The following DDX49 variants were observed in gnomAD, a reference collection of about 807,000 sequenced individuals.
DDX49 encodes probable ATP-dependent RNA helicase DDX49.
DDX49 carries 50 observed loss-of-function variants against 56.3 expected under a neutral mutation model. The ratio of observed to expected loss-of-function variants is 0.89; its 90% CI spans 0.71 to 1.12. DDX49 has a LOEUF of 1.12. Ranked by LOEUF, DDX49 falls within the 50% of genes most tolerant of loss-of-function variation. DDX49 has a pLI of 0.00. For missense variants in DDX49, 614 were observed against 650.5 expected (o/e 0.94, Z 0.61); for synonymous variants, 269 against 270.6 (o/e 0.99, Z 0.06).
rs373521203 is a variant in DDX49 at position 18,922,408 on chromosome 19, C to A, written c.530C>A (p.Pro177Gln). ...CTGGAGGCCATCCTGGCGGCTGTGCCGGCCCGCAGGCAGACACTGCTGTTC... is the reference window on the plus strand; with the variant it reads ...CTGGAGGCCATCCTGGCGGCTGTGCAGGCCCGCAGGCAGACACTGCTGTTC... The part of the protein sequence containing the change: ...VDLEAILAAV[P>Q]ARRQTLLFSA... Residue 177 changes from proline to glutamine, a missense_variant, in exon 5 of 13, where the codon CCG (proline) becomes CAG (glutamine). Coordinates refer to ENST00000247003, the MANE Select transcript of DDX49 (RefSeq NM_019070.5). 6.2e-7 allele frequency: 1 copy of A among 1,610,026 alleles called. No homozygotes were observed. The highest frequency in any genetic ancestry group is 8.5e-7 in the Non-Finnish European group (1 of 1,179,336).
chr19:18,928,091 C>T (rs369209053), intron 12 of DDX49, 37 bp from the exon 13 acceptor site: 23 of 1,612,378 alleles, frequency 1.4e-5, no homozygotes, highest in Middle Eastern at 1.6e-4. Context: ...TGGCGGGGGC[C>T]GCCAGCTCAG....
rs761720601 is a variant in DDX49 at position 18,924,250 on chromosome 19, G to A, written c.794G>A (p.Cys265Tyr). The A allele has an allele frequency of 6.2e-7, 1 of 1,614,010 alleles. No individual in the cohort carries two copies. Among genetic ancestry groups the A allele is most frequent in the Non-Finnish European group, 8.5e-7 (1 of 1,180,012 alleles). Residue 265 changes from cysteine to tyrosine, a missense_variant, in exon 7 of 13, where the codon TGC becomes TAC. Coordinates refer to ENST00000247003, the MANE Select transcript of DDX49 (RefSeq NM_019070.5). Reference sequence around the variant, plus strand: ...CCCGCCAGGACCTGCCAGATTCTGTGCATGATGCTGCGCAAATTCAGCTTC... The same window carrying A: ...CCCGCCAGGACCTGCCAGATTCTGTACATGATGCTGCGCAAATTCAGCTTC... ...TNTCKTCQIL[C>Y]MMLRKFSFPT...
At chr19:18,927,370 G>A (rs2145108881) in intron 10 of DDX49, among the ~76,000 whole-genome samples, 1 of 151,936 alleles carries the variant, frequency 6.6e-6, no homozygotes, top group African/African-American at 2.4e-5. Context: ...GTAAGACCCT[G>A]TCTTCAAAAA....
At chr19:18,925,701 C>A (rs951314273) in intron 9 of DDX49, among the ~76,000 whole-genome samples, 25 of 152,218 alleles carry the variant, frequency 1.6e-4, no homozygotes, top group Middle Eastern at 3.4e-3. Flanking sequence ...CAGCTCCGGC[C>A]CCCACTACTT....
chr19:18,921,153 AAAG>A (rs2056913771), intron 2 of DDX49, among the ~76,000 whole-genome samples: 2 of 151,802 alleles, frequency 1.3e-5, no homozygotes, highest in South Asian at 2.1e-4. Flanking sequence ...AAAAAAAAAA[AAAG>A]AAAGAAAGAA....
At chr19:18,922,069 C>T (rs997831910) in intron 4 of DDX49, 105 bp downstream of exon 4, 14 of 1,443,634 alleles carry the variant, frequency 9.7e-6, no homozygotes, top group East Asian at 7.0e-5. Context: ...AACGTATGTC[C>T]GTTAGACTGT....
At position 18,919,718 on chromosome 19, in the gene DDX49, G is replaced by GGGCCCCTACAAGC. The variant is rs2056896870; in HGVS notation, c.-19_-7dup. The GGGCCCCTACAAGC allele has an allele frequency of 5.7e-6, 9 of 1,590,352 alleles. No individual in the cohort carries two copies. Among genetic ancestry groups the GGGCCCCTACAAGC allele is most frequent in the East Asian group, 2.3e-5 (1 of 44,290 alleles). ...CGCGGATCACACGGGCCCCTACAAG[G>GGGCCCCTACAAGC]GGCCCCTACAAGCGGCCACAAGGAT... On this transcript the variant is annotated 5_prime_UTR_variant, in exon 1 of 13. Transcript: ENST00000247003.
At position 18,919,755 on chromosome 19, in the gene DDX49, C is replaced by G. The variant is rs770858758; in HGVS notation, c.14C>G (p.Ala5Gly). The part of the protein sequence containing the change: MAGF[A>G]ELGLSSWLVE... ...GCGGCCACAAGGATGGCAGGCTTCG[C>G]GGAGCTCGGGCTGTCATCGTGGCTC... The change falls in exon 1 of 13, where the codon GCG becomes GGG. Residue 5 changes from alanine to glycine, a missense_variant. Ala to Gly is a moderately conservative substitution (Grantham distance 60). Coordinates refer to ENST00000247003, the MANE Select transcript of DDX49 (RefSeq NM_019070.5). 1.9e-6 allele frequency: 3 copies of G among 1,610,222 alleles called. No individual in the cohort carries two copies. The highest frequency in any genetic ancestry group is 2.5e-6 in the Non-Finnish European group (3 of 1,177,212).
At chr19:18,920,780 C>A in intron 2 of DDX49, 77 bp downstream of exon 2, 1 of 1,444,400 alleles carries the variant, frequency 6.9e-7, no homozygotes, top group Non-Finnish European at 9.4e-7. Flanking sequence ...CCTCTCTGAG[C>A]GCCCTTTTCC....
intron 2 of DDX49, 77 bp from the exon 3 acceptor site, chr19:18,921,586 C>A: frequency 7.1e-7 from 1 of 1,403,910 alleles, no homozygotes; most frequent in Non-Finnish European, 1.0e-6. Flanking sequence ...CAGGGAGGAA[C>A]CCTGGGGATG....
Position 18,928,250 on chromosome 19 carries a change from G to C in DDX49, c.1386G>C (p.Lys462Asn). 1 of 1,588,616 alleles carries C rather than the reference G, an allele frequency of 6.3e-7. No homozygotes were observed. Among genetic ancestry groups the C allele is most frequent in the Non-Finnish European group, 8.6e-7 (1 of 1,167,720 alleles). ...KRQKAGRAGH[K>N]GRPPRTPSGS... ...AGAAGGCTGGCAGGGCTGGCCACAA[G>C]GGGCGTCCACCCAGGACACCGTCTG... Residue 462 changes from lysine to asparagine, a missense_variant, in exon 13 of 13, where the codon AAG becomes AAC. Transcript: ENST00000247003.
rs947274999 is a variant in DDX49 at position 18,927,591 on chromosome 19, G to A, written c.1103-175G>A. On this transcript the variant is annotated intron_variant, in intron 10 of 12. Transcript: ENST00000247003. The stretch of plus-strand genomic sequence containing the variant: ...TGACCGTGAGACTCTGAAAGACAGC[G>A]GTCCATACCTTCCTTACCTCAGAAA... 1.1e-4 allele frequency among the ~76,000 whole-genome samples: 17 copies of A among 152,042 alleles called. 1 individual carries two copies. In the East Asian group the frequency reaches 1.7e-3, roughly 16 times the overall value.
Position 18,920,594 on chromosome 19 carries a change from G to C in DDX49, c.130G>C (p.Gly44Arg), listed in dbSNP as rs748093851. 1 of 1,604,062 alleles carries C rather than the reference G, an allele frequency of 6.2e-7. No individual in the cohort carries two copies. Among genetic ancestry groups the C allele is most frequent in the East Asian group, 2.2e-5 (1 of 44,538 alleles). ...PAILEGRDCL[G>R]CAKTGSGKTA... is the part of the protein sequence containing the mutation. ...CCCCAACCCAGGTCGAGACTGCTTG[G>C]GCTGTGCTAAGACAGGCAGTGGGAA... Residue 44 changes from glycine to arginine, a missense_variant, in exon 2 of 13, where the codon GGC becomes CGC. Coordinates refer to ENST00000247003, the MANE Select transcript of DDX49 (RefSeq NM_019070.5).
rs1038140878 is a variant in DDX49 at position 18,928,545 on chromosome 19, G to A, written c.*229G>A. On this transcript the variant is annotated 3_prime_UTR_variant, in exon 13 of 13. Coordinates refer to ENST00000247003, the MANE Select transcript of DDX49 (RefSeq NM_019070.5). ...CTGCAGGGGAAGAAAGAACATGACC[G>A]GGAGGTTGTGACCCCAACCCAAGGT... is the stretch of plus-strand genomic sequence containing the variant. The A allele has an allele frequency of 1.7e-5, 9 of 538,052 alleles. No individual in the cohort carries two copies. Among genetic ancestry groups the A allele is most frequent in the Non-Finnish European group, 2.6e-5 (8 of 309,896 alleles). 33.3% of individuals were successfully genotyped at this position (538,052 alleles called of 1,614,324 possible). A position where few individuals can be genotyped will look rare whatever the true frequency, so the allele number is the denominator to read the frequency against.
At position 18,927,789 on chromosome 19, in the gene DDX49, G is replaced by A. The variant is rs73923185; in HGVS notation, c.1126G>A (p.Val376Met). ...AGAGAAGAAGCTGGAGGAGTTCTCC[G>A]TGGAAGAGGCCGAGGTGCTACAGAT... Reference protein sequence around the residue: ...QIKKKLEEFSVEEAEVLQILT... With the variant: ...QIKKKLEEFSMEEAEVLQILT... Residue 376 changes from valine to methionine, a missense_variant, in exon 11 of 13, where the codon GTG (valine) becomes ATG (methionine). Val to Met is a conservative substitution (Grantham distance 21, BLOSUM62 1). Coordinates refer to ENST00000247003, the MANE Select transcript of DDX49 (RefSeq NM_019070.5). 2.1e-3 allele frequency: 3,431 copies of A among 1,613,850 alleles called. 68 individuals are homozygous for A. In the African/African-American group the frequency reaches 0.041, roughly 19 times the overall value.
At position 18,926,304 on chromosome 19, in the gene DDX49, G is replaced by A. The variant is rs2056960050; in HGVS notation, c.1029G>A (p.Gly343=). ...CAGATAACCGGCACATCCCCACAGGGCGGCAGGGTCAGGCCATCACGCTGG... is the reference window on the plus strand; with the variant it reads ...CAGATAACCGGCACATCCCCACAGGACGGCAGGGTCAGGCCATCACGCTGG... ...IHRVGRTARA[G]RQGQAITLVT... is the part of the protein sequence containing the mutation. Residue 343 remains glycine (G), a splice_region_variant and synonymous_variant, in exon 10 of 13, where the codon GGG becomes GGA. Transcript: ENST00000247003. 6.4e-7 allele frequency: 1 copy of A among 1,572,354 alleles called. No homozygotes were observed. Among genetic ancestry groups the A allele is most frequent in the African/African-American group, 1.3e-5 (1 of 74,514 alleles).
At chr19:18,920,843 A>G in intron 2 of DDX49, 140 bp downstream of exon 2, 4 of 860,568 alleles carry the variant, frequency 4.6e-6, no homozygotes, top group Non-Finnish European at 6.8e-6. Flanking sequence ...GGGGTCCTGC[A>G]GAATTAAACA....
At chr19:18,922,909 G>A (rs749089713) in intron 6 of DDX49, among the ~76,000 whole-genome samples, 165 bp downstream of exon 6, 1 of 152,208 alleles carries the variant, frequency 6.6e-6, no homozygotes, top group African/African-American at 2.4e-5. Context: ...ATCTGAAGGT[G>A]CAGCCGGCCT....
In DDX49 at chr19:18,921,733, A is replaced by G. The variant is rs747651605; in HGVS notation, c.310A>G (p.Ile104Val). 6.2e-7 allele frequency: 1 copy of G among 1,614,072 alleles called. No individual in the cohort carries two copies. The highest frequency in any genetic ancestry group is 1.1e-5 in the South Asian group (1 of 91,080). Reference sequence around the variant, plus strand: ...GCCTCTAGGGCTGAAAGACTGCATCATCGTCGGTGGCATGGGTACGGGAGC... The same window carrying G: ...GCCTCTAGGGCTGAAAGACTGCATCGTCGTCGGTGGCATGGGTACGGGAGC... Reference protein sequence around the residue: ...GKPLGLKDCIIVGGMDMVAQA... With the variant: ...GKPLGLKDCIVVGGMDMVAQA... The change falls in exon 3 of 13, where the codon ATC (isoleucine) becomes GTC (valine). Residue 104 changes from isoleucine (I) to valine (V), a missense_variant. Transcript: ENST00000247003.
Sources: gnomAD v4.1 joint callset for allele counts (sites outside exome capture counted in the v4.1 genomes callset) on GRCh38, gnomAD v4.1.1 for gene constraint, MANE v1.5 for transcripts, NCBI Gene and HGNC (gene_info 2026-07-23, HGNC 2026-07-21) for gene names.